NRG3: variants seen among roughly 807,000 people sequenced by gnomAD.
NRG3 encodes neuregulin 3.
NRG3 carries 31 observed loss-of-function variants against 66.9 expected under a neutral mutation model. That is an observed-to-expected ratio of 0.46 (90% CI 0.35 to 0.63). The LOEUF (loss-of-function observed/expected upper bound fraction) is 0.63, where lower values mean the gene tolerates loss of function less well. NRG3 is among the 20% of genes least tolerant of loss of function. NRG3 has a pLI of 0.00. For missense variants in NRG3, 910 were observed against 878.9 expected (o/e 1.04, Z -0.45); for synonymous variants, 393 against 359.4 (o/e 1.09, Z -1.06).
intron 1 of NRG3, among the ~76,000 whole-genome samples, chr10:82,197,830 T>G (rs2074525687): frequency 6.6e-6 from 1 of 152,184 alleles, no homozygotes. Flanking sequence ...TAAGAAAAAT[T>G]TGTCTCTATT....
At chr10:82,869,890 G>A (rs1054030118) in intron 4 of NRG3, among the ~76,000 whole-genome samples, 23 of 151,674 alleles carry the variant, frequency 1.5e-4, no homozygotes, top group Non-Finnish European at 7.4e-5. Flanking sequence ...TTACAGGCGT[G>A]AGCCACCACA....
intron 2 of NRG3, among the ~76,000 whole-genome samples, chr10:82,715,096 T>C (rs1222854590): frequency 6.6e-6 from 1 of 151,764 alleles, no homozygotes; most frequent in Non-Finnish European, 1.5e-5. Flanking sequence ...AAAAAAAGAG[T>C]TTAAAGTCTT....
intron 2 of NRG3, among the ~76,000 whole-genome samples, chr10:82,645,114 A>G (rs1307282366): frequency 6.6e-6 from 1 of 152,036 alleles, no homozygotes; most frequent in Non-Finnish European, 1.5e-5. Context: ...TTTTTCTTCT[A>G]AACATCTTAA....
At chr10:81,949,896 G>T (rs17098797) in intron 1 of NRG3, among the ~76,000 whole-genome samples, 15,330 of 152,154 alleles carry the variant, frequency 0.1, 1,055 homozygotes, top group African/African-American at 0.2. Flanking sequence ...TGTGTTAATT[G>T]CACCTACCTT....
At chr10:82,446,506 G>A (rs2090732664) in intron 2 of NRG3, among the ~76,000 whole-genome samples, 1 of 152,198 alleles carries the variant, frequency 6.6e-6, no homozygotes, top group Admixed American at 6.5e-5. Context: ...AGAGCTGGAA[G>A]CCATTATCCT....
intron 2 of NRG3, among the ~76,000 whole-genome samples, chr10:82,369,938 G>A (rs1313329563): frequency 7.3e-6 from 1 of 137,736 alleles, no homozygotes; most frequent in Non-Finnish European, 1.5e-5. Context: ...GTTTTTGGTC[G>A]TCCCCCAGCT....
chr10:82,344,156 G>T (rs2082845950), intron 1 of NRG3, among the ~76,000 whole-genome samples: 1 of 149,000 alleles, frequency 6.7e-6, no homozygotes, highest in African/African-American at 2.5e-5. Flanking sequence ...CTGGTGTGCT[G>T]CACCCACTAA....
chr10:82,910,676 A>G (rs1466612352), intron 4 of NRG3, among the ~76,000 whole-genome samples: 2 of 152,228 alleles, frequency 1.3e-5, no homozygotes, highest in Non-Finnish European at 2.9e-5. Context: ...TGAAATTCTA[A>G]AAAATAATGT....
intron 1 of NRG3, among the ~76,000 whole-genome samples, chr10:82,061,398 AGG>A (rs2064133462): frequency 6.6e-6 from 1 of 152,144 alleles, no homozygotes; most frequent in South Asian, 2.1e-4. Flanking sequence ...TAAAACAGGT[AGG>A]GTGACCCCCA....
At chr10:82,101,118 T>G (rs1363043724) in intron 1 of NRG3, among the ~76,000 whole-genome samples, 1 of 151,898 alleles carries the variant, frequency 6.6e-6, no homozygotes, top group Non-Finnish European at 1.5e-5. Context: ...ACAGACAGAT[T>G]TGTATTATTC....
chr10:81,973,345 T>C (rs1393202011), intron 1 of NRG3, among the ~76,000 whole-genome samples: 1 of 152,240 alleles, frequency 6.6e-6, no homozygotes, highest in Non-Finnish European at 1.5e-5. Context: ...GTTTTGCTAT[T>C]GTGAATAGTG....
chr10:82,096,914 AGATT>A (rs1450416408), intron 1 of NRG3, among the ~76,000 whole-genome samples: 1 of 152,216 alleles, frequency 6.6e-6, no homozygotes, highest in African/African-American at 2.4e-5. Flanking sequence ...ATGCCTAGTT[AGATT>A]ATTTTCTTTG....
intron 1 of NRG3, among the ~76,000 whole-genome samples, chr10:82,000,910 C>T (rs879358705): frequency 6.6e-6 from 1 of 152,056 alleles, no homozygotes; most frequent in African/African-American, 2.4e-5. Flanking sequence ...TGTTTTTTCT[C>T]TTTTAAAATA....
chr10:82,899,468 T>G lies in NRG3; in HGVS notation c.1054+34031T>G, dbSNP rs1260942960. 2.0e-5 allele frequency among the ~76,000 whole-genome samples: 3 copies of G among 152,206 alleles called. No homozygotes were observed. In the East Asian group the frequency reaches 5.8e-4, roughly 29 times the overall value. On this transcript the variant is annotated intron_variant, in intron 4 of 8. Coordinates refer to ENST00000372141, the MANE Select transcript of NRG3 (RefSeq NM_001010848.4). The stretch of plus-strand genomic sequence containing the variant: ...AGGAAATATATCAGTACATAAATAG[T>G]GAATTTTTATTTGGATGTGTTGCAG...
chr10:82,517,346 G>C (rs1845755881), intron 2 of NRG3, among the ~76,000 whole-genome samples: 1 of 152,028 alleles, frequency 6.6e-6, no homozygotes, highest in South Asian at 2.1e-4. Flanking sequence ...TGTTAAATAA[G>C]CATGGCAGTT....
intron 4 of NRG3, among the ~76,000 whole-genome samples, chr10:82,907,670 A>G (rs1420148350): frequency 1.3e-5 from 2 of 152,224 alleles, no homozygotes; most frequent in African/African-American, 2.4e-5. Flanking sequence ...TATACAACAT[A>G]TAAGGTATAT....
chr10:82,260,979 G>A (rs560595095), intron 1 of NRG3, among the ~76,000 whole-genome samples: 44 of 152,228 alleles, frequency 2.9e-4, no homozygotes, highest in African/African-American at 1.1e-3. Flanking sequence ...GGATCATGGG[G>A]CAGGTTGCTC....
intron 4 of NRG3, among the ~76,000 whole-genome samples, chr10:82,918,010 C>G (rs879743597): frequency 2.2e-5 from 3 of 133,734 alleles, no homozygotes; most frequent in Non-Finnish European, 4.8e-5. Flanking sequence ...ATGTATCTCT[C>G]TCTATATATA....
At chr10:82,266,986 A>G (rs1027692584) in intron 1 of NRG3, among the ~76,000 whole-genome samples, 6 of 152,190 alleles carry the variant, frequency 3.9e-5, no homozygotes, top group Admixed American at 1.3e-4. Context: ...ATCACCTGGA[A>G]TGTCCAAAAT....
Sources: allele counts gnomAD v4.1 joint callset (sites outside exome capture counted in the v4.1 genomes callset), GRCh38; gene constraint gnomAD v4.1.1; transcripts MANE v1.5; gene names NCBI Gene and HGNC (gene_info 2026-07-23, HGNC 2026-07-21).